DPYSL3: variants seen among roughly 807,000 people sequenced by gnomAD.
The protein encoded by DPYSL3 is dihydropyrimidinase like 3.
In DPYSL3, 16 loss-of-function variants were observed where a neutral mutation model predicts 66.1. That is an observed-to-expected ratio of 0.24 (90% CI 0.16 to 0.37). DPYSL3 has a LOEUF of 0.37. DPYSL3 is among the 10% of genes least tolerant of loss of function. DPYSL3 has a pLI of 1.00. For missense variants in DPYSL3, 738 were observed against 916.2 expected, an observed-to-expected ratio of 0.81 and a Z score of 2.51; for synonymous variants, 338 against 345.1, an observed-to-expected ratio of 0.98 and a Z score of 0.23.
At chr5:147,423,157 T>C (rs1466769113) in intron 2 of DPYSL3, among the ~76,000 whole-genome samples, 1 of 152,222 alleles carries the variant, frequency 6.6e-6, no homozygotes, top group African/African-American at 2.4e-5. Flanking sequence ...ATTTTTTAGT[T>C]AATAGAAAAA....
chr5:147,476,666 A>G (rs373573204), intron 1 of DPYSL3, among the ~76,000 whole-genome samples: 8 of 152,304 alleles, frequency 5.3e-5, no homozygotes, highest in African/African-American at 1.9e-4. Flanking sequence ...TCTCATGTAT[A>G]TGGAGTGATG....
At chr5:147,419,022 T>C (rs1309143070) in intron 2 of DPYSL3, among the ~76,000 whole-genome samples, 1 of 152,208 alleles carries the variant, frequency 6.6e-6, no homozygotes, top group African/African-American at 2.4e-5. Context: ...TATAAAATAG[T>C]GCACTGTTAG....
chr5:147,430,031 T>C (rs1284193509), intron 1 of DPYSL3, among the ~76,000 whole-genome samples: 1 of 152,048 alleles, frequency 6.6e-6, no homozygotes, highest in Non-Finnish European at 1.5e-5. Context: ...CACTAGGGTA[T>C]GATACTGATT....
intron 1 of DPYSL3, among the ~76,000 whole-genome samples, chr5:147,478,703 T>A (rs937683755): frequency 3.9e-5 from 6 of 152,142 alleles, no homozygotes; most frequent in Non-Finnish European, 8.8e-5. Flanking sequence ...ATCATACACA[T>A]ATATTTTGCC....
chr5:147,399,279 A>T (rs200380584), intron 10 of DPYSL3, 27 bp from the exon 11 acceptor site: 4 of 1,608,948 alleles, frequency 2.5e-6, no homozygotes, highest in Non-Finnish European at 3.4e-6. Context: ...AATTATATCT[A>T]TATCTATAGC....
chr5:147,415,762 G>T lies in DPYSL3; in HGVS notation c.767C>A (p.Thr256Asn), dbSNP rs1193306229. The part of the protein sequence containing the change: ...CCDYALHVDI[T>N]HWNDSVKQEV... ...CTGCTTGACGCTGTCATTCCAGTGGGTGATGTCCACATGCAGGGCATAGTC... is the reference window on the plus strand; with the variant it reads ...CTGCTTGACGCTGTCATTCCAGTGGTTGATGTCCACATGCAGGGCATAGTC... Residue 256 changes from threonine to asparagine, a missense_variant, in exon 4 of 14, where the codon ACC becomes AAC. Thr to Asn is a moderately conservative substitution (Grantham distance 65). Transcript: ENST00000343218. 6.2e-7 allele frequency: 1 copy of T among 1,614,070 alleles called. No homozygotes were observed. The highest frequency in any genetic ancestry group is 1.3e-5 in the African/African-American group (1 of 75,028).
chr5:147,404,515 T>G (rs1758282224), intron 8 of DPYSL3, among the ~76,000 whole-genome samples: 1 of 152,234 alleles, frequency 6.6e-6, no homozygotes, highest in African/African-American at 2.4e-5. Context: ...GAATGGCCAC[T>G]GGCACGCAGC....
At chr5:147,456,301 ACT>A (rs1752851488) in intron 1 of DPYSL3, among the ~76,000 whole-genome samples, 3 of 152,080 alleles carry the variant, frequency 2.0e-5, no homozygotes, top group Non-Finnish European at 4.4e-5. Context: ...CAGTAGAATG[ACT>A]CTGAATGGTT....
At chr5:147,422,949 T>C (rs1752112493) in intron 2 of DPYSL3, among the ~76,000 whole-genome samples, 1 of 152,084 alleles carries the variant, frequency 6.6e-6, no homozygotes, top group Non-Finnish European at 1.5e-5. Flanking sequence ...CATGTATACC[T>C]ATGTAACAAA....
chr5:147,453,278 A>T (rs1752772401), intron 1 of DPYSL3, among the ~76,000 whole-genome samples: 1 of 152,184 alleles, frequency 6.6e-6, no homozygotes, highest in Non-Finnish European at 1.5e-5. Flanking sequence ...CTGGGGAACT[A>T]CCGGCGGTGG....
chr5:147,400,623 G>A (rs1758142017), intron 10 of DPYSL3, 69 bp downstream of exon 10: 1 of 1,559,790 alleles, frequency 6.4e-7, no homozygotes, highest in African/African-American at 1.3e-5. Flanking sequence ...CCAACTGGTG[G>A]CAGGAGGTTC....
At chr5:147,453,767 A>G (rs1752792144) in intron 1 of DPYSL3, 4 of 1,300,672 alleles carry the variant, frequency 3.1e-6, no homozygotes, top group South Asian at 4.5e-5. Context: ...GCCAGAGACA[A>G]TAGTAAATCT....
At chr5:147,428,012 C>T (rs1752228781) in intron 1 of DPYSL3, among the ~76,000 whole-genome samples, 1 of 152,160 alleles carries the variant, frequency 6.6e-6, no homozygotes, top group Non-Finnish European at 1.5e-5. Flanking sequence ...CTTCAACAAG[C>T]ATGAAATGTC....
At chr5:147,507,732 T>A (rs1441994817) in intron 1 of DPYSL3, among the ~76,000 whole-genome samples, 2 of 152,020 alleles carry the variant, frequency 1.3e-5, no homozygotes, top group African/African-American at 4.8e-5. Flanking sequence ...GATGCCTAGG[T>A]TGTATTATTA....
chr5:147,509,401 G>A lies in DPYSL3; in HGVS notation c.381+77C>T, dbSNP rs1177029428. On this transcript the variant is annotated intron_variant, in intron 1 of 13. Transcript: ENST00000343218. The surrounding 1 kb of genome is among the most constrained non-coding windows in gnomAD (Gnocchi z 5.3). Reference sequence around the variant, plus strand: ...CCCCGTGCAAAGTGAGCTGGAGAAAGTTGTGCCCGGGCCATGGCGGCCAGG... The same window carrying A: ...CCCCGTGCAAAGTGAGCTGGAGAAAATTGTGCCCGGGCCATGGCGGCCAGG... 7.0e-7 allele frequency: 1 copy of A among 1,438,630 alleles called. No individual in the cohort carries two copies. The highest frequency in any genetic ancestry group is 2.7e-5 in the Admixed American group (1 of 36,608). The allele number at this position is 1,438,630 out of a possible 1,614,324, so 89.1% of individuals were successfully genotyped here.
intron 1 of DPYSL3, among the ~76,000 whole-genome samples, chr5:147,498,733 T>C (rs997136671): frequency 3.9e-5 from 6 of 152,204 alleles, no homozygotes; most frequent in African/African-American, 1.4e-4. Context: ...TGCATGTATG[T>C]CTTCTTTTGA....
chr5:147,391,615 G>A lies in DPYSL3; in HGVS notation c.*2420C>T, dbSNP rs1179724507. ...TCGAAGAGGGCCGGGACTCACCATT[G>A]TTTTCTTTTCCTAAACCTTTTGTAT... On this transcript the variant is annotated 3_prime_UTR_variant, in exon 14 of 14. Transcript: ENST00000343218. The A allele has an allele frequency of 1.3e-5, 2 of 152,160 alleles. No individual in the cohort carries two copies. The highest frequency in any genetic ancestry group is 1.9e-4 in the East Asian group (1 of 5,190). 9.4% of individuals were successfully genotyped at this position (152,160 alleles called of 1,614,324 possible).
chr5:147,405,330 A>G (rs1345604465), intron 8 of DPYSL3, among the ~76,000 whole-genome samples: 2 of 152,220 alleles, frequency 1.3e-5, no homozygotes, highest in African/African-American at 4.8e-5. Flanking sequence ...CTGAAAATCA[A>G]AGATCAAGGG....
chr5:147,435,287 A>C (rs1053986098), intron 1 of DPYSL3, among the ~76,000 whole-genome samples: 3 of 152,234 alleles, frequency 2.0e-5, no homozygotes, highest in African/African-American at 7.2e-5. Flanking sequence ...ATTACCATTT[A>C]CTGAAAACTT....
Sources: gnomAD v4.1 joint callset for allele counts (sites outside exome capture counted in the v4.1 genomes callset) on GRCh38, gnomAD v4.1.1 for gene constraint, Gnocchi (gnomAD v3.1) non-coding constraint, MANE v1.5 for transcripts, NCBI Gene and HGNC (gene_info 2026-07-23, HGNC 2026-07-21) for gene names.